Variants in PLD1 observed in about 807,000 individuals in gnomAD.
PLD1 encodes phospholipase D1, also known as choline phosphatase 1.
A neutral mutation model predicts 137.1 loss-of-function variants in PLD1; 112 were observed. The observed-to-expected ratio is 0.82, with a 90% CI of 0.70 to 0.96. The LOEUF (loss-of-function observed/expected upper bound fraction) is 0.96. PLD1 is among the 40% of genes least tolerant of loss of function. The probability of loss-of-function intolerance (pLI) is 0.00; values close to 1 mark genes in which losing one functional copy is unlikely to be tolerated. For synonymous variants in PLD1, 431 were observed against 454.7 expected (o/e 0.95, Z 0.66); for missense variants, 1,321 against 1,342.0 (o/e 0.98, Z 0.24).
intron 16 of PLD1, among the ~76,000 whole-genome samples, chr3:171,679,906 A>C (rs1038254362): frequency 6.6e-6 from 1 of 152,200 alleles, no homozygotes; most frequent in Non-Finnish European, 1.5e-5. Context: ...ATGCTGATCC[A>C]AGGGGGTCTC....
chr3:171,672,518 C>T (rs1303496763), intron 19 of PLD1, among the ~76,000 whole-genome samples: 1 of 150,280 alleles, frequency 6.7e-6, no homozygotes, highest in Admixed American at 6.6e-5. Context: ...GAGTCAGTCT[C>T]GCTCTGTTGC....
intron 22 of PLD1, among the ~76,000 whole-genome samples, chr3:171,644,364 T>C (rs1736016130): frequency 6.6e-6 from 1 of 152,102 alleles, no homozygotes; most frequent in Non-Finnish European, 1.5e-5. Context: ...CCCTTTTAAA[T>C]AAATATAAAA....
intron 6 of PLD1, among the ~76,000 whole-genome samples, chr3:171,731,754 A>C (rs1313266050): frequency 6.6e-6 from 1 of 152,182 alleles, no homozygotes; most frequent in African/African-American, 2.4e-5. Flanking sequence ...CCTGGGAAAC[A>C]GAGCAAGACT....
intron 1 of PLD1, among the ~76,000 whole-genome samples, chr3:171,740,484 T>C (rs1578391571): frequency 6.6e-6 from 1 of 152,334 alleles, no homozygotes; most frequent in South Asian, 2.1e-4. Flanking sequence ...ACTTCAGATA[T>C]TTTTTATTGA....
chr3:171,752,277 A>G (rs184756151), intron 1 of PLD1, among the ~76,000 whole-genome samples: 1 of 152,390 alleles, frequency 6.6e-6, no homozygotes, highest in African/African-American at 2.4e-5. Context: ...TAATTGAGGA[A>G]ATGATACACA....
chr3:171,759,126 T>C (rs1721226111), intron 1 of PLD1, among the ~76,000 whole-genome samples: 1 of 152,066 alleles, frequency 6.6e-6, no homozygotes, highest in Admixed American at 6.5e-5. Flanking sequence ...TATACAACAC[T>C]AAGGCTAACA....
chr3:171,765,738 T>C (rs934123364), intron 1 of PLD1, among the ~76,000 whole-genome samples: 2 of 152,212 alleles, frequency 1.3e-5, no homozygotes, highest in Non-Finnish European at 1.5e-5. Flanking sequence ...AGCATTCCAG[T>C]CAAATCGTCC....
chr3:171,737,839 C>T, intron 2 of PLD1, 53 bp downstream of exon 2: 1 of 1,557,658 alleles, frequency 6.4e-7, no homozygotes, highest in South Asian at 1.2e-5. Flanking sequence ...TTGTGGTCTT[C>T]CGACCAACCG....
rs41273587 is a variant in PLD1 at position 171,708,579 on chromosome 3, C to T, written c.1145+176G>A. 9.7e-3 allele frequency among the ~76,000 whole-genome samples: 1,477 copies of T among 152,196 alleles called. 14 individuals are homozygous for T. Among genetic ancestry groups the T allele is most frequent in the Non-Finnish European group, 0.016 (1,067 of 67,986 alleles). Reference sequence around the variant, plus strand: ...AGTATTTTATGAATATTGTTGAGGCCAAGGTTTTTGAAAAGGCCTTTCACT... The same window carrying T: ...AGTATTTTATGAATATTGTTGAGGCTAAGGTTTTTGAAAAGGCCTTTCACT... On this transcript the variant is annotated intron_variant, in intron 11 of 26. Coordinates refer to ENST00000351298, the MANE Select transcript of PLD1 (RefSeq NM_002662.5).
chr3:171,749,747 G>A (rs1164871523), intron 1 of PLD1, among the ~76,000 whole-genome samples: 2 of 152,208 alleles, frequency 1.3e-5, no homozygotes, highest in Non-Finnish European at 2.9e-5. Context: ...AATCACAGCA[G>A]CTGAAAAGTG....
intron 13 of PLD1, among the ~76,000 whole-genome samples, chr3:171,689,518 T>C (rs988690654): frequency 6.6e-6 from 1 of 151,978 alleles, no homozygotes; most frequent in Non-Finnish European, 1.5e-5. Flanking sequence ...TTCCTTTCTT[T>C]CTTTCTCAGA....
intron 1 of PLD1, among the ~76,000 whole-genome samples, chr3:171,763,141 G>T (rs1281019515): frequency 6.6e-6 from 1 of 152,036 alleles, no homozygotes; most frequent in Non-Finnish European, 1.5e-5. Context: ...TGTGAGTGTG[G>T]ACCAGAAACC....
At chr3:171,660,091 C>T (rs1438055089) in intron 20 of PLD1, among the ~76,000 whole-genome samples, 1 of 152,140 alleles carries the variant, frequency 6.6e-6, no homozygotes, top group Non-Finnish European at 1.5e-5. Flanking sequence ...TGTTATAACA[C>T]ATCTGTAATT....
At chr3:171,603,531 C>T (rs966128529) in intron 26 of PLD1, among the ~76,000 whole-genome samples, 3 of 152,060 alleles carry the variant, frequency 2.0e-5, no homozygotes, top group African/African-American at 4.8e-5. Context: ...TGGTTAGTGG[C>T]AAGAAATTAC....
intron 12 of PLD1, among the ~76,000 whole-genome samples, chr3:171,695,567 G>A (rs1421218370): frequency 6.6e-6 from 1 of 152,130 alleles, no homozygotes; most frequent in Non-Finnish European, 1.5e-5. Context: ...AAATCTTTAG[G>A]AGCTTTAGAT....
At position 171,733,650 on chromosome 3, in the gene PLD1, C is replaced by G. The variant is rs41273593; in HGVS notation, c.541-141G>C. On this transcript the variant is annotated intron_variant, in intron 5 of 26. Coordinates refer to ENST00000351298, the MANE Select transcript of PLD1 (RefSeq NM_002662.5). ...ATTATTTATTAATATAATCATGGAG[C>G]AAGGAATCCTGAATAGCATTAAGGT... 5,167 of 546,732 alleles carry G rather than the reference C, an allele frequency of 9.5e-3. 42 individuals are homozygous for G. Among genetic ancestry groups the G allele is most frequent in the Middle Eastern group, 0.013 (27 of 2,098 alleles). 33.9% of individuals were successfully genotyped at this position (546,732 alleles called of 1,614,324 possible).
Position 171,737,627 on chromosome 3 carries a change from G to A in PLD1, c.193C>T (p.Gln65Ter). 3 of 1,586,382 alleles carry A rather than the reference G, an allele frequency of 1.9e-6. No individual in the cohort carries two copies. Among genetic ancestry groups the A allele is most frequent in the Non-Finnish European group, 2.6e-6 (3 of 1,156,774 alleles). The change falls in exon 3 of 27, where the codon CAA (glutamine) becomes TAA (stop). Residue 65 changes from glutamine to a stop codon, truncating the protein, a stop_gained. Coordinates refer to ENST00000351298, the MANE Select transcript of PLD1 (RefSeq NM_002662.5). LOFTEE classifies it high-confidence loss of function. ...YIPFSAIYNT[Q>*]GFKEPNIQTY... is the part of the protein sequence containing the mutation. ...TGTATATTAGGCTCCTTAAATCCTT[G>A]AGTGTTATAAATAGCAGAGAAAGGG... is the stretch of plus-strand genomic sequence containing the variant.
intron 11 of PLD1, among the ~76,000 whole-genome samples, chr3:171,701,405 G>C (rs1276550101): frequency 1.3e-5 from 2 of 152,166 alleles, no homozygotes; most frequent in Non-Finnish European, 2.9e-5. Context: ...GTGAGAGATA[G>C]CCAACAACAT....
chr3:171,736,165 G>A (rs1289344195), intron 3 of PLD1, among the ~76,000 whole-genome samples: 3 of 152,066 alleles, frequency 2.0e-5, no homozygotes, highest in African/African-American at 7.2e-5. Flanking sequence ...CCACCCTAAG[G>A]AACCACCAGT....
Sources: allele counts gnomAD v4.1 joint callset (sites outside exome capture counted in the v4.1 genomes callset), GRCh38; gene constraint gnomAD v4.1.1; transcripts MANE v1.5; gene names NCBI Gene and HGNC (gene_info 2026-07-23, HGNC 2026-07-21).